The following INVS variants were observed in gnomAD, a reference collection of about 807,000 sequenced individuals.
INVS encodes inversin, also known as inversion of embryo turning homolog.
Under a neutral mutation model 108.8 loss-of-function variants are expected in INVS, and 86 were observed. The observed-to-expected ratio is 0.79, with a 90% confidence interval of 0.66 to 0.95. The LOEUF (loss-of-function observed/expected upper bound fraction) is 0.95, where lower values mean the gene tolerates loss of function less well. Among genes scored for constraint, INVS ranks in the 40% least tolerant of loss-of-function variants. The pLI, the probability that INVS is intolerant of heterozygous loss-of-function variation, is 0.00. For missense variants in INVS, 1,169 were observed against 1,297.4 expected, an observed-to-expected ratio of 0.90 and a Z score of 1.52; for synonymous variants, 455 against 473.5, an observed-to-expected ratio of 0.96 and a Z score of 0.51.
chr9:100,265,089 T>C (rs1588133030), intron 11 of INVS, among the ~76,000 whole-genome samples, 161 bp downstream of exon 11: 2 of 151,966 alleles, frequency 1.3e-5, no homozygotes, highest in African/African-American at 4.8e-5. Flanking sequence ...ATTACAGGCA[T>C]GCACGATCAC....
intron 3 of INVS, among the ~76,000 whole-genome samples, chr9:100,158,766 T>A (rs990829827): frequency 2.0e-5 from 3 of 152,242 alleles, no homozygotes; most frequent in African/African-American, 7.2e-5. Flanking sequence ...GCGTTGAAAT[T>A]TGATCCCCAG....
chr9:100,137,011 G>A (rs574232533), intron 3 of INVS, among the ~76,000 whole-genome samples: 50 of 152,268 alleles, frequency 3.3e-4, no homozygotes, highest in South Asian at 1.5e-3. Flanking sequence ...CTGTACTCCA[G>A]CCTGGTCAGC....
intron 3 of INVS, among the ~76,000 whole-genome samples, chr9:100,206,442 A>T (rs1031945598): frequency 6.6e-6 from 1 of 152,106 alleles, no homozygotes; most frequent in Non-Finnish European, 1.5e-5. Context: ...AATAATTTTC[A>T]TATACTCTCA....
At chr9:100,194,226 T>C (rs1830308715) in intron 3 of INVS, among the ~76,000 whole-genome samples, 2 of 152,222 alleles carry the variant, frequency 1.3e-5, no homozygotes, top group Admixed American at 1.3e-4. Context: ...CTCACTTTCT[T>C]ATGAGGATAC....
chr9:100,227,700 T>TAAA (rs56736083), intron 4 of INVS, among the ~76,000 whole-genome samples: 178 of 143,890 alleles, frequency 1.2e-3, no homozygotes, highest in African/African-American at 4.1e-3. Flanking sequence ...TAAGCCTGAT[T>TAAA]AAAAAAAAAA....
rs139243741 is a variant in INVS at position 100,169,461 on chromosome 9, G to C, written c.273+42912G>C. On this transcript the variant is annotated intron_variant, in intron 3 of 16. Transcript: ENST00000262457. ...GAGCTCTTAATACTACCTCTGCAAG[G>C]CCAAGTAAATGACTTTAAATTCCAC... Among the ~76,000 whole-genome samples the C allele has an allele frequency of 7.4e-4, 113 of 152,142 alleles. 1 individual carries two copies. Among genetic ancestry groups the C allele is most frequent in the Admixed American group, 2.7e-3 (42 of 15,276 alleles).
At chr9:100,231,152 A>G (rs1215176959) in intron 5 of INVS, among the ~76,000 whole-genome samples, 1 of 152,178 alleles carries the variant, frequency 6.6e-6, no homozygotes, top group Non-Finnish European at 1.5e-5. Context: ...CCAGCTTCTA[A>G]TTTACATGCT....
chr9:100,169,392 G>A (rs2119034858), intron 3 of INVS, among the ~76,000 whole-genome samples: 1 of 152,314 alleles, frequency 6.6e-6, no homozygotes, highest in South Asian at 2.1e-4. Context: ...TATGAATGGA[G>A]AAGGTATTTG....
At chr9:100,123,572 A>G (rs1468989060) in intron 2 of INVS, among the ~76,000 whole-genome samples, 1 of 152,114 alleles carries the variant, frequency 6.6e-6, no homozygotes, top group Non-Finnish European at 1.5e-5. Flanking sequence ...TGCAATGGAT[A>G]TTTGTGTACC....
intron 3 of INVS, among the ~76,000 whole-genome samples, chr9:100,139,121 A>G (rs968167520): frequency 5.3e-5 from 8 of 152,244 alleles, no homozygotes; most frequent in Non-Finnish European, 1.0e-4. Flanking sequence ...TATAGGGTAC[A>G]GAAATGACTT....
intron 3 of INVS, among the ~76,000 whole-genome samples, chr9:100,154,331 ATTTTT>A (rs780090630): frequency 1.0e-4 from 7 of 68,568 alleles, no homozygotes; most frequent in Admixed American, 7.5e-4. Flanking sequence ...CAACCGACTA[ATTTTT>A]TTTTTTTTTT....
chr9:100,279,353 G>C (rs1051939754), intron 12 of INVS, among the ~76,000 whole-genome samples: 2 of 152,090 alleles, frequency 1.3e-5, no homozygotes, highest in African/African-American at 4.8e-5. Flanking sequence ...ACCATTACTT[G>C]GTTCAAGGGA....
intron 7 of INVS, among the ~76,000 whole-genome samples, chr9:100,246,160 A>G (rs1356841976): frequency 6.6e-6 from 1 of 151,902 alleles, no homozygotes; most frequent in East Asian, 1.9e-4. Context: ...CTCAAAAAAA[A>G]AAGAAAAAGA....
At chr9:100,242,897 A>G (rs1288950228) in intron 7 of INVS, among the ~76,000 whole-genome samples, 2 of 152,210 alleles carry the variant, frequency 1.3e-5, no homozygotes, top group Admixed American at 6.5e-5. Context: ...ATACAATATC[A>G]TAAACAGGAA....
intron 3 of INVS, among the ~76,000 whole-genome samples, chr9:100,218,437 G>A (rs1002856193): frequency 5.3e-5 from 8 of 152,240 alleles, no homozygotes; most frequent in East Asian, 1.9e-4. Context: ...TAAAGTAATC[G>A]TCTCAGCTGA....
chr9:100,212,182 G>C (rs1173277963), intron 3 of INVS, among the ~76,000 whole-genome samples: 1 of 152,110 alleles, frequency 6.6e-6, no homozygotes, highest in Non-Finnish European at 1.5e-5. Flanking sequence ...ACTGAAATAA[G>C]AAAATTATCT....
intron 3 of INVS, among the ~76,000 whole-genome samples, chr9:100,141,916 G>A (rs1162006317): frequency 6.6e-6 from 1 of 152,180 alleles, no homozygotes; most frequent in Non-Finnish European, 1.5e-5. Context: ...ATTTTCCTTG[G>A]TCTAAGAACC....
At chr9:100,233,132 C>G (rs1588109359) in intron 5 of INVS, among the ~76,000 whole-genome samples, 1 of 152,234 alleles carries the variant, frequency 6.6e-6, no homozygotes, top group South Asian at 2.1e-4. Flanking sequence ...CTCTTTGTAG[C>G]AATTGTGAAT....
chr9:100,251,382 G>A (rs1482541981), intron 8 of INVS, among the ~76,000 whole-genome samples: 1 of 152,226 alleles, frequency 6.6e-6, no homozygotes, highest in African/African-American at 2.4e-5. Flanking sequence ...AAGTGTTATT[G>A]TGGCTAATTC....
Sources: allele counts gnomAD v4.1 joint callset (sites outside exome capture counted in the v4.1 genomes callset), GRCh38; gene constraint gnomAD v4.1.1; transcripts MANE v1.5; gene names NCBI Gene and HGNC (gene_info 2026-07-23, HGNC 2026-07-21).